GAREM1: variants seen among roughly 807,000 people sequenced by gnomAD.
GAREM1 encodes GRB2 associated regulator of MAPK1 subtype 1.
Under a neutral mutation model 71.3 loss-of-function variants are expected in GAREM1, and 26 were observed. That is an observed-to-expected ratio of 0.36 (90% CI 0.27 to 0.51). GAREM1 has a LOEUF of 0.51. Ranked by LOEUF, GAREM1 falls within the 20% of genes least tolerant of loss-of-function variation. The pLI, the probability that GAREM1 is intolerant of heterozygous loss-of-function variation, is 0.95. For missense variants in GAREM1, 1,026 were observed against 1,103.1 expected (o/e 0.93, Z 0.99); for synonymous variants, 440 against 433.2 (o/e 1.02, Z -0.20).
chr18:32,287,471 G>GGGCT lies in GAREM1; in HGVS notation c.1125_1126insAGCC (p.Arg376SerfsTer4). ...TGGAAGGACTGGGTGAGCTCATCGCGGGCGTAGCTGAGCGAATTGGGCACG... is the reference window on the plus strand; with the variant it reads ...TGGAAGGACTGGGTGAGCTCATCGCGGGCTGGCGTAGCTGAGCGAATTGGGCACG... On this transcript the variant is annotated frameshift_variant, in exon 4 of 6. Transcript: ENST00000269209. LOFTEE classifies it high-confidence loss of function. The surrounding 1 kb of genome is among the most constrained non-coding windows in gnomAD (Gnocchi z 5.9). 1 of 1,614,134 alleles carries GGGCT rather than the reference G, an allele frequency of 6.2e-7. No homozygotes were observed.
chr18:32,404,735 T>C (rs983783549), intron 1 of GAREM1, among the ~76,000 whole-genome samples: 1 of 152,238 alleles, frequency 6.6e-6, no homozygotes, highest in Non-Finnish European at 1.5e-5. Flanking sequence ...TTTTAAAGAA[T>C]GTTTTTATTC....
intron 2 of GAREM1, among the ~76,000 whole-genome samples, chr18:32,320,399 T>C (rs1452659617): frequency 1.3e-5 from 2 of 152,192 alleles, no homozygotes; most frequent in Admixed American, 6.5e-5. Context: ...TTCCCTATTT[T>C]AAAATCTGAT....
intron 2 of GAREM1, among the ~76,000 whole-genome samples, chr18:32,351,672 GTAAA>G (rs1448169070): frequency 6.6e-6 from 1 of 150,762 alleles, no homozygotes; most frequent in African/African-American, 2.4e-5. Context: ...AAATGGAAAA[GTAAA>G]TATCTCTCAA....
intron 1 of GAREM1, among the ~76,000 whole-genome samples, chr18:32,395,035 G>A (rs933370238): frequency 3.9e-5 from 6 of 152,156 alleles, no homozygotes; most frequent in African/African-American, 9.7e-5. Context: ...CCTCTAAAAC[G>A]TAATCCTTCT....
At position 32,299,660 on chromosome 18, in the gene GAREM1, T is replaced by C. The variant is rs369996407; in HGVS notation, c.393+10533A>G. On this transcript the variant is annotated intron_variant, in intron 3 of 5. Transcript: ENST00000269209. ...TGGAATATAGCCAAGAACAAGGCAGTGAGCTAACCAAAATGATGGGATGTT... is the reference window on the plus strand; with the variant it reads ...TGGAATATAGCCAAGAACAAGGCAGCGAGCTAACCAAAATGATGGGATGTT... Among the ~76,000 whole-genome samples, 21 of 152,180 alleles carry C rather than the reference T, an allele frequency of 1.4e-4. No homozygotes were observed. In the South Asian group the frequency reaches 4.4e-3, roughly 32 times the overall value.
At chr18:32,279,187 C>T (rs1265484177) in intron 4 of GAREM1, among the ~76,000 whole-genome samples, 2 of 152,044 alleles carry the variant, frequency 1.3e-5, no homozygotes, top group African/African-American at 4.8e-5. Context: ...ATGGTATATA[C>T]CTAATTGTAC....
chr18:32,282,436 A>C (rs950669036), intron 4 of GAREM1, among the ~76,000 whole-genome samples: 1 of 152,150 alleles, frequency 6.6e-6, no homozygotes, highest in African/African-American at 2.4e-5. Context: ...AAAAAAAAGA[A>C]GACAGATGGA....
chr18:32,441,780 G>A (rs2048740472), intron 1 of GAREM1, among the ~76,000 whole-genome samples: 1 of 152,170 alleles, frequency 6.6e-6, no homozygotes, highest in African/African-American at 2.4e-5. Flanking sequence ...CGCACAGAAA[G>A]AAAAGTGCTC....
At chr18:32,425,098 G>T (rs184361261) in intron 1 of GAREM1, among the ~76,000 whole-genome samples, 4 of 152,202 alleles carry the variant, frequency 2.6e-5, no homozygotes, top group African/African-American at 7.2e-5. Flanking sequence ...ACCTCAATGC[G>T]TTGGGCATAT....
chr18:32,265,038 TGAAAGGGAAGGGCTTCTC>T lies in GAREM1; in HGVS notation c.*2815_*2832del, dbSNP rs1454781372. ...ACTGCAGAATCGCAGGGAAGGGCTG[TGAAAGGGAAGGGCTTCTC>T]GAAAGGGAAGGGCTTTCTCCTTATT... On this transcript the variant is annotated 3_prime_UTR_variant, in exon 6 of 6. Coordinates refer to ENST00000269209, the MANE Select transcript of GAREM1 (RefSeq NM_001242409.2). 2.0e-5 allele frequency: 3 copies of T among 152,184 alleles called. No individual in the cohort carries two copies. The highest frequency in any genetic ancestry group is 4.4e-5 in the Non-Finnish European group (3 of 68,060). 9.4% of individuals were successfully genotyped at this position (152,184 alleles called of 1,614,324 possible). A position where few individuals can be genotyped will look rare whatever the true frequency, so the allele number is the denominator to read the frequency against.
At chr18:32,329,566 T>C (rs1255403910) in intron 2 of GAREM1, among the ~76,000 whole-genome samples, 1 of 150,662 alleles carries the variant, frequency 6.6e-6, no homozygotes, top group Non-Finnish European at 1.5e-5. Flanking sequence ...ATTAGCCAGG[T>C]GTGGTGGCGC....
In GAREM1 at chr18:32,364,028, G is replaced by GTTTTTTTTTTTTTT. The variant is rs1157200391; in HGVS notation, c.262+28853_262+28866dup. ...TATATATATATATATATATATATATGTTTTTTTTTTTTTTTTTTTTTTGTG... is the reference window on the plus strand; with the variant it reads ...TATATATATATATATATATATATATGTTTTTTTTTTTTTTTTTTTTTTTTTTTTTTTTTTTTGTG... On this transcript the variant is annotated intron_variant, in intron 2 of 5. Coordinates refer to ENST00000269209, the MANE Select transcript of GAREM1 (RefSeq NM_001242409.2). Among the ~76,000 whole-genome samples, 13 of 21,666 alleles carry GTTTTTTTTTTTTTT rather than the reference G, an allele frequency of 6.0e-4. 1 individual carries two copies. Among genetic ancestry groups the GTTTTTTTTTTTTTT allele is most frequent in the African/African-American group, 1.4e-3 (8 of 5,610 alleles). The allele number at this position is 21,666 out of a possible 152,430, so 14.2% of individuals were successfully genotyped here. A position where few individuals can be genotyped will look rare whatever the true frequency, so the allele number is the denominator to read the frequency against.
At chr18:32,449,497 A>G (rs1309902466) in intron 1 of GAREM1, among the ~76,000 whole-genome samples, 1 of 152,168 alleles carries the variant, frequency 6.6e-6, no homozygotes, top group Admixed American at 6.5e-5. Context: ...CAACATGGCG[A>G]AACCCCATCT....
intron 2 of GAREM1, among the ~76,000 whole-genome samples, chr18:32,360,160 C>T (rs561025763): frequency 6.6e-6 from 1 of 151,912 alleles, no homozygotes; most frequent in African/African-American, 2.4e-5. Flanking sequence ...GCCATCCAAT[C>T]ATTCTGGATT....
At chr18:32,340,460 C>T (rs956107393) in intron 2 of GAREM1, among the ~76,000 whole-genome samples, 2 of 152,094 alleles carry the variant, frequency 1.3e-5, no homozygotes, top group African/African-American at 4.8e-5. Context: ...AGAAGACTGG[C>T]ATGACTCGGG....
chr18:32,315,675 T>C (rs531421586), intron 2 of GAREM1, among the ~76,000 whole-genome samples: 169 of 152,098 alleles, frequency 1.1e-3, no homozygotes, highest in Middle Eastern at 3.4e-3. Context: ...ACTGGACAGT[T>C]GGTGCAGGTC....
At chr18:32,441,998 T>C (rs967679088) in intron 1 of GAREM1, among the ~76,000 whole-genome samples, 3 of 148,238 alleles carry the variant, frequency 2.0e-5, no homozygotes, top group Non-Finnish European at 4.4e-5. Context: ...ATTGTAATTT[T>C]TTTTTTTTAC....
chr18:32,326,009 A>G (rs1314310795), intron 2 of GAREM1, among the ~76,000 whole-genome samples: 1 of 152,212 alleles, frequency 6.6e-6, no homozygotes, highest in Admixed American at 6.5e-5. Flanking sequence ...TATTATTCTG[A>G]TTTACTTACT....
At chr18:32,410,642 A>T (rs2048407401) in intron 1 of GAREM1, among the ~76,000 whole-genome samples, 2 of 152,130 alleles carry the variant, frequency 1.3e-5, no homozygotes, top group African/African-American at 4.8e-5. Flanking sequence ...TAACTATATG[A>T]TTATGGGCAA....
Sources: allele counts gnomAD v4.1 joint callset (sites outside exome capture counted in the v4.1 genomes callset), GRCh38; gene constraint gnomAD v4.1.1; non-coding constraint Gnocchi (gnomAD v3.1); transcripts MANE v1.5; gene names NCBI Gene and HGNC (gene_info 2026-07-23, HGNC 2026-07-21).